HIPK2: variants seen among roughly 807,000 people sequenced by gnomAD.
HIPK2 encodes the protein homeodomain interacting protein kinase 2, also known as homeodomain-interacting protein kinase 2.
HIPK2 carries 27 observed loss-of-function variants against 113.7 expected under a neutral mutation model. That is an observed-to-expected ratio of 0.24 (90% CI 0.17 to 0.33). HIPK2 has a LOEUF of 0.33. Ranked by LOEUF, HIPK2 falls within the 10% of genes least tolerant of loss-of-function variation. The pLI, the probability that HIPK2 is intolerant of heterozygous loss-of-function variation, is 1.00. For synonymous variants in HIPK2, 631 were observed against 642.2 expected (o/e 0.98, Z 0.26); for missense variants, 1,257 against 1,588.0 (o/e 0.79, Z 3.54).
intron 1 of HIPK2, among the ~76,000 whole-genome samples, chr7:139,718,583 A>C (rs1157919731): frequency 6.6e-6 from 1 of 152,182 alleles, no homozygotes; most frequent in Non-Finnish European, 1.5e-5. Context: ...CCAATACTAA[A>C]AAAGTTCCCG....
intron 2 of HIPK2, among the ~76,000 whole-genome samples, chr7:139,713,551 C>T (rs1037352447): frequency 4.6e-5 from 7 of 152,230 alleles, no homozygotes; most frequent in Non-Finnish European, 1.0e-4. Context: ...CACCAAGTTT[C>T]GCTCTAAGGA....
At chr7:139,649,582 C>T (rs1046577891) in intron 2 of HIPK2, among the ~76,000 whole-genome samples, 8 of 151,674 alleles carry the variant, frequency 5.3e-5, no homozygotes, top group Non-Finnish European at 1.0e-4. Context: ...TGTTAGAATT[C>T]GGGGGGGTGG....
At position 139,563,670 on chromosome 7, in the gene HIPK2, A is replaced by C. The variant is rs1246945493; in HGVS notation, c.*9257T>G. 2.5e-6 allele frequency: 1 copy of C among 396,780 alleles called. No homozygotes were observed. Among genetic ancestry groups the C allele is most frequent in the Non-Finnish European group, 4.4e-6 (1 of 225,530 alleles). The allele number at this position is 396,780 out of a possible 1,614,324, so 24.6% of individuals were successfully genotyped here. ...ACCACCACACAAACAGGAAAGTGGGAGTATGATTAGGAGGGGTGAGATGAA... is the reference window on the plus strand; with the variant it reads ...ACCACCACACAAACAGGAAAGTGGGCGTATGATTAGGAGGGGTGAGATGAA... On this transcript the variant is annotated 3_prime_UTR_variant, in exon 15 of 15. Transcript: ENST00000406875.
At chr7:139,695,340 C>T (rs1364744493) in intron 2 of HIPK2, among the ~76,000 whole-genome samples, 9 of 152,150 alleles carry the variant, frequency 5.9e-5, no homozygotes, top group Non-Finnish European at 1.5e-5. Context: ...ACCGGAACTG[C>T]ACGACTACTG....
intron 2 of HIPK2, among the ~76,000 whole-genome samples, chr7:139,687,468 A>C (rs1794259447): frequency 6.6e-6 from 1 of 152,246 alleles, no homozygotes; most frequent in African/African-American, 2.4e-5. Flanking sequence ...ATAATATGCC[A>C]GGCATTATTA....
chr7:139,665,081 A>G (rs537302171), intron 2 of HIPK2, among the ~76,000 whole-genome samples: 1 of 147,004 alleles, frequency 6.8e-6, no homozygotes, highest in South Asian at 2.1e-4. Flanking sequence ...TCTGTCACCC[A>G]GGCTGGAATG....
At chr7:139,611,737 TCTCA>T (rs1247489150) in intron 9 of HIPK2, among the ~76,000 whole-genome samples, 1 of 151,526 alleles carries the variant, frequency 6.6e-6, no homozygotes, top group Non-Finnish European at 1.5e-5. Flanking sequence ...AGAGATGGGG[TCTCA>T]CTATGTTGCC....
At chr7:139,766,561 A>T (rs1007793194) in intron 1 of HIPK2, among the ~76,000 whole-genome samples, 8 of 152,144 alleles carry the variant, frequency 5.3e-5, no homozygotes, top group African/African-American at 1.9e-4. Flanking sequence ...TCCAAGGAGG[A>T]TCCCAGATCC....
chr7:139,695,342 C>T (rs983451043), intron 2 of HIPK2, among the ~76,000 whole-genome samples: 17 of 152,138 alleles, frequency 1.1e-4, no homozygotes, highest in Non-Finnish European at 7.4e-5. Context: ...CGGAACTGCA[C>T]GACTACTGTG....
Position 139,716,333 on chromosome 7 carries a change from T to C in HIPK2, c.702A>G (p.Pro234=). ...CAATCTGACCTTGTCGGGCATAGGATGGGTGGTTCTTCAGGATCTTGATGG... is the reference window on the plus strand; with the variant it reads ...CAATCTGACCTTGTCGGGCATAGGACGGGTGGTTCTTCAGGATCTTGATGG... The part of the protein sequence containing the change: ...IVAIKILKNH[P]SYARQGQIEV... The change falls in exon 2 of 15, where the codon CCA becomes CCG. Residue 234 remains proline (P), a synonymous_variant. Coordinates refer to ENST00000406875, the MANE Select transcript of HIPK2 (RefSeq NM_022740.5). The surrounding 1 kb of genome is among the most constrained non-coding windows in gnomAD (Gnocchi z 9.3). 6.2e-7 allele frequency: 1 copy of C among 1,614,102 alleles called. No homozygotes were observed. The highest frequency in any genetic ancestry group is 1.3e-5 in the African/African-American group (1 of 75,004).
chr7:139,740,029 C>G (rs1364494577), intron 1 of HIPK2, among the ~76,000 whole-genome samples: 1 of 152,118 alleles, frequency 6.6e-6, no homozygotes, highest in African/African-American at 2.4e-5. Context: ...TTTTATTCCT[C>G]TCGGGTACAT....
At chr7:139,748,258 C>T (rs1057135582) in intron 1 of HIPK2, among the ~76,000 whole-genome samples, 14 of 152,264 alleles carry the variant, frequency 9.2e-5, no homozygotes, top group African/African-American at 2.4e-4. Context: ...TCCCACGCTC[C>T]GATGGAAACT....
At chr7:139,734,078 C>T (rs940854919) in intron 1 of HIPK2, among the ~76,000 whole-genome samples, 15 of 152,226 alleles carry the variant, frequency 9.9e-5, no homozygotes, top group Non-Finnish European at 1.0e-4. Flanking sequence ...TCACAATTAA[C>T]GTGGTTTAGT....
At position 139,613,260 on chromosome 7, in the gene HIPK2, A is replaced by T; in HGVS notation, c.2054T>A (p.Ile685Asn). 6.2e-7 allele frequency: 1 copy of T among 1,613,842 alleles called. No homozygotes were observed. The highest frequency in any genetic ancestry group is 8.5e-7 in the Non-Finnish European group (1 of 1,179,834). Residue 685 changes from isoleucine (I) to asparagine (N), a missense_variant, in exon 9 of 15, where the codon ATC becomes AAC. Transcript: ENST00000406875. This position sits in a 1 kb window ranked among gnomAD's most constrained non-coding sequence, Gnocchi z 4.2. ...YSVRMENAVP[I>N]VTQAPGAQPL... The stretch of plus-strand genomic sequence containing the variant: ...CTGAGCTCCTGGGGCTTGAGTGACG[A>T]TGGGAACTGCATTTTCCATTCGCAC...
At chr7:139,707,401 G>T (rs1794934243) in intron 2 of HIPK2, among the ~76,000 whole-genome samples, 1 of 152,268 alleles carries the variant, frequency 6.6e-6, no homozygotes, top group Admixed American at 6.5e-5. Flanking sequence ...AGATTGGTGA[G>T]CGAGAGAAGG....
Position 139,738,409 on chromosome 7 carries a change from GC to G in HIPK2, c.20-21395del, listed in dbSNP as rs1231145139. Among the ~76,000 whole-genome samples the G allele has an allele frequency of 3.9e-5, 6 of 152,344 alleles. No homozygotes were observed. In the East Asian group the frequency reaches 1.2e-3, roughly 29 times the overall value. ...ATGCAGCCACACATGTGTCTATGCAGCCCTTGAAAATGTGGCTGGTGTGACT... is the reference window on the plus strand; with the variant it reads ...ATGCAGCCACACATGTGTCTATGCAGCCTTGAAAATGTGGCTGGTGTGACT... On this transcript the variant is annotated intron_variant, in intron 1 of 14. Coordinates refer to ENST00000406875, the MANE Select transcript of HIPK2 (RefSeq NM_022740.5).
intron 2 of HIPK2, among the ~76,000 whole-genome samples, chr7:139,669,872 C>T (rs999378678): frequency 3.3e-5 from 5 of 152,092 alleles, no homozygotes; most frequent in Non-Finnish European, 7.4e-5. Flanking sequence ...GAGGTCAACA[C>T]GAAAGCCAGG....
rs1795107866 is a variant in HIPK2, at chr7:139,712,697, T to C, written c.1103+3235A>G. Among the ~76,000 whole-genome samples, 3 of 152,260 alleles carry C rather than the reference T, an allele frequency of 2.0e-5. No homozygotes were observed. In the South Asian group the frequency reaches 6.2e-4, roughly 31 times the overall value. ...TAACGATGGACAATTAAAGAGCTTT[T>C]CTTGCCCCCTTTCTTTCCTATAAGA... On this transcript the variant is annotated intron_variant, in intron 2 of 14. Transcript: ENST00000406875.
rs35368461 is a variant in HIPK2 at position 139,650,349 on chromosome 7, CAAA to C, written c.1104-18627_1104-18625del. ...TGGGCGACAGAGCAAGACTCCATCTCAAAAAAAAAAAAAAAAAAAAGGATATTT... is the reference window on the plus strand; with the variant it reads ...TGGGCGACAGAGCAAGACTCCATCTCAAAAAAAAAAAAAAAAAGGATATTT... On this transcript the variant is annotated intron_variant, in intron 2 of 14. Transcript: ENST00000406875. 1.3e-3 allele frequency among the ~76,000 whole-genome samples: 133 copies of C among 100,172 alleles called. 2 individuals carry two copies. The Middle Eastern group carries it at 0.015, about 11-fold the overall frequency. 65.7% of individuals were successfully genotyped at this position (100,172 alleles called of 152,430 possible).
Sources: allele counts gnomAD v4.1 joint callset (sites outside exome capture counted in the v4.1 genomes callset), GRCh38; gene constraint gnomAD v4.1.1; non-coding constraint Gnocchi (gnomAD v3.1); transcripts MANE v1.5; gene names NCBI Gene and HGNC (gene_info 2026-07-23, HGNC 2026-07-21).